The following ERBB4 variants were observed in gnomAD, a reference collection of about 807,000 sequenced individuals.
ERBB4 encodes the protein receptor tyrosine-protein kinase erbB-4.
A neutral mutation model predicts 158.0 loss-of-function variants in ERBB4; 42 were observed. That is an observed-to-expected ratio of 0.27 (90% CI 0.21 to 0.34). The LOEUF (loss-of-function observed/expected upper bound fraction) is 0.34. ERBB4 is among the 10% of genes least tolerant of loss of function. The probability of loss-of-function intolerance (pLI) is 1.00; values close to 1 mark genes in which losing one functional copy is unlikely to be tolerated. For synonymous variants in ERBB4, 583 were observed against 558.7 expected (o/e 1.04, Z -0.61); for missense variants, 1,333 against 1,624.1 (o/e 0.82, Z 3.08).
chr2:212,023,924 CT>C (rs75077968), intron 2 of ERBB4, among the ~76,000 whole-genome samples: 9,301 of 142,288 alleles, frequency 0.065, 284 homozygotes, highest in South Asian at 0.11. Context: ...AAAATATTGG[CT>C]TTTTTTTTTT....
intron 19 of ERBB4, among the ~76,000 whole-genome samples, chr2:211,575,785 C>A (rs533978693): frequency 6.6e-6 from 1 of 152,160 alleles, no homozygotes; most frequent in Non-Finnish European, 1.5e-5. Flanking sequence ...CTGTGTCATT[C>A]TGACTCTTCC....
At chr2:211,747,490 T>C (rs557307453) in intron 5 of ERBB4, among the ~76,000 whole-genome samples, 1 of 152,254 alleles carries the variant, frequency 6.6e-6, no homozygotes, top group South Asian at 2.1e-4. Flanking sequence ...GCTGACCATC[T>C]AGAAGGGGGT....
intron 25 of ERBB4, among the ~76,000 whole-genome samples, chr2:211,419,748 C>T (rs2063475482): frequency 6.6e-6 from 1 of 151,822 alleles, no homozygotes; most frequent in Non-Finnish European, 1.5e-5. Flanking sequence ...CAGTGGTACT[C>T]AATATATGTT....
chr2:212,372,760 A>AAAAAC (rs766922263), intron 1 of ERBB4, among the ~76,000 whole-genome samples: 7 of 152,302 alleles, frequency 4.6e-5, no homozygotes, highest in Non-Finnish European at 8.8e-5. Flanking sequence ...AAACAAAAAC[A>AAAAAC]AAAACAAAAC....
chr2:211,602,221 C>T (rs1013637283), intron 19 of ERBB4, among the ~76,000 whole-genome samples: 2 of 152,010 alleles, frequency 1.3e-5, no homozygotes, highest in Admixed American at 6.6e-5. Flanking sequence ...AAAGTCTTGG[C>T]CTGATGATAA....
At chr2:211,962,008 A>G (rs2081192253) in intron 2 of ERBB4, among the ~76,000 whole-genome samples, 1 of 152,084 alleles carries the variant, frequency 6.6e-6, no homozygotes, top group Non-Finnish European at 1.5e-5. Flanking sequence ...GGAGAAAAGC[A>G]TTTGAGATTG....
chr2:211,432,676 T>C (rs1358716114), intron 20 of ERBB4, among the ~76,000 whole-genome samples: 1 of 152,102 alleles, frequency 6.6e-6, no homozygotes, highest in Non-Finnish European at 1.5e-5. Context: ...CAAGTAATAC[T>C]ATCCCTTTAA....
At chr2:211,810,734 G>A (rs781221288) in intron 3 of ERBB4, among the ~76,000 whole-genome samples, 9 of 146,784 alleles carry the variant, frequency 6.1e-5, no homozygotes, top group African/African-American at 1.0e-4. Flanking sequence ...CTGCAGTGGC[G>A]CAATCTCGGC....
chr2:211,566,516 G>A (rs534328816), intron 19 of ERBB4, among the ~76,000 whole-genome samples: 56 of 152,258 alleles, frequency 3.7e-4, no homozygotes, highest in Non-Finnish European at 6.5e-4. Context: ...TTCACTTCTT[G>A]TGTATCTCAG....
At chr2:212,153,916 T>C (rs2080951059) in intron 1 of ERBB4, among the ~76,000 whole-genome samples, 1 of 152,166 alleles carries the variant, frequency 6.6e-6, no homozygotes, top group Admixed American at 6.6e-5. Context: ...AAACTGTAAC[T>C]ATTAACCTCA....
intron 20 of ERBB4, among the ~76,000 whole-genome samples, chr2:211,448,119 C>T (rs572250470): frequency 2.8e-4 from 43 of 152,106 alleles, no homozygotes; most frequent in African/African-American, 9.4e-4. Context: ...ATTACACATG[C>T]GTGCCACCAC....
chr2:212,138,554 A>G (rs1329662440), intron 1 of ERBB4, among the ~76,000 whole-genome samples: 5 of 152,112 alleles, frequency 3.3e-5, no homozygotes, highest in African/African-American at 1.2e-4. Context: ...GCAGCTCCCC[A>G]TTCTTGAACT....
At chr2:212,140,144 G>A (rs1370219651) in intron 1 of ERBB4, among the ~76,000 whole-genome samples, 1 of 151,380 alleles carries the variant, frequency 6.6e-6, no homozygotes, top group African/African-American at 2.4e-5. Context: ...GATCCATGCA[G>A]TTGCATCATT....
At chr2:211,993,084 T>C (rs1033168070) in intron 2 of ERBB4, among the ~76,000 whole-genome samples, 1 of 152,198 alleles carries the variant, frequency 6.6e-6, no homozygotes, top group African/African-American at 2.4e-5. Flanking sequence ...TCATCTCTGT[T>C]ATGCACTGAG....
chr2:211,473,818 T>C (rs557836249), intron 20 of ERBB4, among the ~76,000 whole-genome samples: 1 of 152,072 alleles, frequency 6.6e-6, no homozygotes, highest in African/African-American at 2.4e-5. Flanking sequence ...AGTGGTTACC[T>C]GTTGCATCCA....
At chr2:211,559,151 T>A (rs986712896) in intron 20 of ERBB4, among the ~76,000 whole-genome samples, 1 of 152,190 alleles carries the variant, frequency 6.6e-6, no homozygotes, top group South Asian at 2.1e-4. Flanking sequence ...CCCTCACCAC[T>A]CATAGCTAAT....
At chr2:211,880,642 A>G (rs2078637066) in intron 3 of ERBB4, among the ~76,000 whole-genome samples, 1 of 152,210 alleles carries the variant, frequency 6.6e-6, no homozygotes, top group African/African-American at 2.4e-5. Context: ...CCTAGGAACC[A>G]TTAAGACATC....
At chr2:211,659,694 C>T (rs2071346112) in intron 15 of ERBB4, among the ~76,000 whole-genome samples, 1 of 151,842 alleles carries the variant, frequency 6.6e-6, no homozygotes. Context: ...GATACTCATT[C>T]ATTAAAAAAA....
intron 3 of ERBB4, among the ~76,000 whole-genome samples, chr2:211,928,078 C>T (rs2080068672): frequency 6.6e-6 from 1 of 152,038 alleles, no homozygotes; most frequent in Non-Finnish European, 1.5e-5. Context: ...AGAAACAACA[C>T]CATTTAACGT....
Sources: allele counts gnomAD v4.1 joint callset (sites outside exome capture counted in the v4.1 genomes callset), GRCh38; gene constraint gnomAD v4.1.1; transcripts MANE v1.5; gene names NCBI Gene and HGNC (gene_info 2026-07-23, HGNC 2026-07-21).